RBP5: variants seen among roughly 807,000 people sequenced by gnomAD.
RBP5 encodes the protein retinol binding protein 5.
Under a neutral mutation model 17.8 loss-of-function variants are expected in RBP5, and 12 were observed. The ratio of observed to expected loss-of-function variants is 0.67; its 90% confidence interval spans 0.43 to 1.09. The LOEUF (loss-of-function observed/expected upper bound fraction) is 1.09, where lower values mean the gene tolerates loss of function less well. RBP5 is among the 50% of genes least tolerant of loss of function. The probability of loss-of-function intolerance (pLI) is 0.00; values close to 1 mark genes in which losing one functional copy is unlikely to be tolerated. For missense variants in RBP5, 172 were observed against 169.4 expected, an observed-to-expected ratio of 1.02 and a Z score of -0.09; for synonymous variants, 64 against 68.1, an observed-to-expected ratio of 0.94 and a Z score of 0.30.
downstream of RBP5, among the ~76,000 whole-genome samples, chr12:7,120,106 A>G (rs1286641055): frequency 6.6e-6 from 1 of 151,950 alleles, no homozygotes; most frequent in African/African-American, 2.4e-5. Flanking sequence ...GGCAGAGGGA[A>G]GGGAGCTTGG....
intron 2 of RBP5, chr12:7,127,746 G>A (rs1184814415): frequency 2.9e-6 from 2 of 701,356 alleles, no homozygotes; most frequent in Non-Finnish European, 5.2e-6. Context: ...GGGTGTAGAT[G>A]ATTTAGCCTA....
Position 7,124,657 on chromosome 12 carries a change from T to C in RBP5, c.326A>G (p.His109Arg). ...KGEVPNRGWR[H>R]WLEGEMLYLE... ...ATACAGCATCTCTCCCTCCAGCCAG[T>C]GTCTCCAGCCCCGGTTGGGGACCTC... Residue 109 changes from histidine to arginine, a missense_variant, in exon 3 of 4, where the codon CAC (histidine) becomes CGC (arginine). Coordinates refer to ENST00000266560, the MANE Select transcript of RBP5 (RefSeq NM_031491.4). This position sits in a 1 kb window ranked among gnomAD's most constrained non-coding sequence, Gnocchi z 5.3. 1 of 1,605,978 alleles carries C rather than the reference T, an allele frequency of 6.2e-7. No homozygotes were observed. Among genetic ancestry groups the C allele is most frequent in the East Asian group, 2.2e-5 (1 of 44,796 alleles).
At chr12:7,127,022 C>T (rs566880566) in intron 2 of RBP5, among the ~76,000 whole-genome samples, 2 of 97,474 alleles carry the variant, frequency 2.1e-5, no homozygotes, top group African/African-American at 4.5e-5. Flanking sequence ...GATAGAATTT[C>T]GCTCTTGTTG....
At chr12:7,126,516 T>TGGG (rs1565645348) in intron 2 of RBP5, among the ~76,000 whole-genome samples, 2 of 92,608 alleles carry the variant, frequency 2.2e-5, no homozygotes, top group African/African-American at 7.8e-5. Context: ...TGGTGGTGTG[T>TGGG]GTGTGTGTGT....
At position 7,124,179 on chromosome 12, in the gene RBP5, GGAGA is replaced by G. The variant is rs774923833; in HGVS notation, c.355-9_355-6del. ...TGCATCCCTTGCAGTCAGTTCCTGG[GGAGA>G]GAGGGGAAGTGAGGGGGAGAGAGAA... On this transcript the variant is annotated splice_polypyrimidine_tract_variant and splice_region_variant and intron_variant, in intron 3 of 3. Transcript: ENST00000266560. The surrounding 1 kb of genome is among the most constrained non-coding windows in gnomAD (Gnocchi z 5.3). The G allele has an allele frequency of 6.2e-7, 1 of 1,614,024 alleles. No homozygotes were observed. The highest frequency in any genetic ancestry group is 8.5e-7 in the Non-Finnish European group (1 of 1,179,970).
chr12:7,118,712 G>C (rs904600693), downstream of RBP5: 3 of 152,266 alleles, frequency 2.0e-5, no homozygotes, highest in Non-Finnish European at 4.4e-5. Context: ...CTGTAGGGCA[G>C]GGGTGTGGGC....
At chr12:7,129,931 A>C (rs1467882610), upstream of RBP5, 2 of 452,626 alleles carry the variant, frequency 4.4e-6, no homozygotes, top group Non-Finnish European at 5.8e-6. This position sits in a 1 kb window ranked among gnomAD's most constrained non-coding sequence, Gnocchi z 5.5. Context: ...CCTGGGCTAC[A>C]AATGCCAGGA....
chr12:7,126,512 T>TGGTGGTG (rs1555167375), intron 2 of RBP5, among the ~76,000 whole-genome samples: 31 of 100,540 alleles, frequency 3.1e-4, no homozygotes, highest in Admixed American at 1.2e-3. Flanking sequence ...GTGGTGGTGG[T>TGGTGGTG]GTGTGTGTGT....
At chr12:7,120,352 G>T (rs1440021617), downstream of RBP5, among the ~76,000 whole-genome samples, 1 of 152,092 alleles carries the variant, frequency 6.6e-6, no homozygotes. Context: ...GGGAGAGGGG[G>T]CAGGCCTGGA....
Position 7,117,644 on chromosome 12 carries a change from T to C in RBP5, n.890-337A>G, listed in dbSNP as rs954071189. 10 of 151,998 alleles carry C rather than the reference T, an allele frequency of 6.6e-5. No homozygotes were observed. The highest frequency in any genetic ancestry group is 2.4e-4 in the African/African-American group (10 of 41,374). The allele number at this position is 151,998 out of a possible 1,614,324, so 9.4% of individuals were successfully genotyped here. A position where few individuals can be genotyped will look rare whatever the true frequency, so the allele number is the denominator to read the frequency against. On this transcript the variant is annotated intron_variant and non_coding_transcript_variant, in intron 3 of 3. Transcript: ENST00000619522. The surrounding 1 kb of genome is among the most constrained non-coding windows in gnomAD (Gnocchi z 4.9). ...GAGGTAGGGCTTTGGGAAGACAGCA[T>C]AGGTTTCAAAAGAACCAAGAAGCTG...
downstream of RBP5, among the ~76,000 whole-genome samples, chr12:7,119,233 G>A (rs779379415): frequency 6.6e-6 from 1 of 151,810 alleles, no homozygotes; most frequent in East Asian, 1.9e-4. Flanking sequence ...GGGGGTAGGG[G>A]TGGATGGAGC....
chr12:7,125,757 G>A (rs1939149254), intron 2 of RBP5, among the ~76,000 whole-genome samples: 1 of 152,232 alleles, frequency 6.6e-6, no homozygotes. Flanking sequence ...CTAACCTAGA[G>A]TATATGTGGT....
chr12:7,120,993 A>C (rs1278892649), downstream of RBP5: 1 of 151,124 alleles, frequency 6.6e-6, no homozygotes, highest in Non-Finnish European at 1.5e-5. Flanking sequence ...GCACCACTGC[A>C]CTCCAGCCTG....
Position 7,124,063 on chromosome 12 carries a change from G to A in RBP5, c.*58C>T, listed in dbSNP as rs2135781232. ...CTGGCACAATCTGGGCTTGAAGGGGGCACAACAAGAGCGTCTGTGAGCTGG... is the reference window on the plus strand; with the variant it reads ...CTGGCACAATCTGGGCTTGAAGGGGACACAACAAGAGCGTCTGTGAGCTGG... On this transcript the variant is annotated 3_prime_UTR_variant, in exon 4 of 4. Transcript: ENST00000266560. This position sits in a 1 kb window ranked among gnomAD's most constrained non-coding sequence, Gnocchi z 5.3. 4 of 1,530,796 alleles carry A rather than the reference G, an allele frequency of 2.6e-6. No individual in the cohort carries two copies. The highest frequency in any genetic ancestry group is 3.6e-6 in the Non-Finnish European group (4 of 1,104,258). 94.8% of individuals were successfully genotyped at this position (1,530,796 alleles called of 1,614,324 possible). A position where few individuals can be genotyped will look rare whatever the true frequency, so the allele number is the denominator to read the frequency against.
At chr12:7,125,411 T>C (rs879742320) in intron 2 of RBP5, among the ~76,000 whole-genome samples, 31 of 152,188 alleles carry the variant, frequency 2.0e-4, no homozygotes, top group Non-Finnish European at 4.4e-4. Context: ...TACCAGGTAA[T>C]CTCATTTCTC....
At chr12:7,119,088 AAGGG>A (rs1454981234), downstream of RBP5, 1 of 152,364 alleles carries the variant, frequency 6.6e-6, no homozygotes, top group Non-Finnish European at 1.5e-5. Context: ...TGGGAGGGTT[AAGGG>A]AGAGTGGCAG....
downstream of RBP5, chr12:7,120,660 C>G (rs1939068419): frequency 6.4e-6 from 1 of 155,094 alleles, no homozygotes; most frequent in Non-Finnish European, 1.5e-5. Flanking sequence ...CATGGGTACT[C>G]TTATGACTGA....
At chr12:7,129,251 T>C (rs1591610918), upstream of RBP5, 1 of 220,884 alleles carries the variant, frequency 4.5e-6, no homozygotes, top group Non-Finnish European at 9.3e-6. The surrounding 1 kb of genome is among the most constrained non-coding windows in gnomAD (Gnocchi z 5.5). Context: ...CTGTGTGAGG[T>C]GGAGATGAGT....
At chr12:7,127,522 TTATTTGTATCATTTTG>T (rs1258687992) in intron 2 of RBP5, 2 of 619,096 alleles carry the variant, frequency 3.2e-6, no homozygotes, top group African/African-American at 1.8e-5. Context: ...GTATTGTTTT[TTATTTGTATCATTTTG>T]TATTGTTATT....
Sources: allele counts gnomAD v4.1 joint callset (sites outside exome capture counted in the v4.1 genomes callset), GRCh38; gene constraint gnomAD v4.1.1; non-coding constraint Gnocchi (gnomAD v3.1); transcripts MANE v1.5; gene names NCBI Gene and HGNC (gene_info 2026-07-23, HGNC 2026-07-21).